PDGFD: variants seen among roughly 807,000 people sequenced by gnomAD.
PDGFD encodes platelet derived growth factor D, also known as platelet-derived growth factor D.
A neutral mutation model predicts 44.7 loss-of-function variants in PDGFD; 30 were observed. The ratio of observed to expected loss-of-function variants is 0.67; its 90% confidence interval spans 0.50 to 0.91. The LOEUF (loss-of-function observed/expected upper bound fraction) is 0.91. PDGFD is among the 40% of genes least tolerant of loss of function. The pLI, the probability that PDGFD is intolerant of heterozygous loss-of-function variation, is 0.00. For synonymous variants in PDGFD, 173 were observed against 168.4 expected (o/e 1.03, Z -0.21); for missense variants, 445 against 457.8 (o/e 0.97, Z 0.25).
chr11:103,922,380 T>C lies in PDGFD; in HGVS notation c.987+4532A>G, dbSNP rs543414409. ...CACTGTACTCCCAAATGTTTTAAGC[T>C]GAAGGAATTTGAGAAAACAAGAAAA... On this transcript the variant is annotated intron_variant, in intron 6 of 6. Transcript: ENST00000393158. 5.9e-5 allele frequency among the ~76,000 whole-genome samples: 9 copies of C among 152,310 alleles called. No individual in the cohort carries two copies. The South Asian group carries it at 1.9e-3, about 32-fold the overall frequency.
At chr11:104,147,684 C>T (rs1446309196) in intron 1 of PDGFD, among the ~76,000 whole-genome samples, 1 of 152,004 alleles carries the variant, frequency 6.6e-6, no homozygotes, top group Admixed American at 6.6e-5. Flanking sequence ...AAATCTAAGG[C>T]CACTAACTCC....
intron 3 of PDGFD, among the ~76,000 whole-genome samples, chr11:103,967,266 T>A (rs140447759): frequency 1.9e-3 from 288 of 152,290 alleles, no homozygotes; most frequent in African/African-American, 6.5e-3. Flanking sequence ...TTCCCCACAT[T>A]CACTAAGGAC....
chr11:104,124,664 T>C (rs1307063098), intron 1 of PDGFD, among the ~76,000 whole-genome samples: 2 of 152,134 alleles, frequency 1.3e-5, no homozygotes, highest in Admixed American at 6.6e-5. Flanking sequence ...GCAAATGTGA[T>C]TGTTTTAATA....
chr11:104,134,920 T>A (rs778088629), intron 1 of PDGFD, among the ~76,000 whole-genome samples: 3 of 152,118 alleles, frequency 2.0e-5, no homozygotes, highest in Non-Finnish European at 4.4e-5. Context: ...ACTCTCCGAG[T>A]TCAAATTCCA....
In PDGFD at chr11:104,010,252, C is replaced by T. The variant is rs184291729; in HGVS notation, c.125-9997G>A. On this transcript the variant is annotated intron_variant, in intron 1 of 6. Coordinates refer to ENST00000393158, the MANE Select transcript of PDGFD (RefSeq NM_025208.5). ...AAGATGTTAATGTTACATAAACAGC[C>T]ATGCTCACAGTAACAATTTGGAGAC... 2.8e-4 allele frequency among the ~76,000 whole-genome samples: 43 copies of T among 151,872 alleles called. 1 individual carries two copies. The East Asian group carries it at 6.0e-3, about 21-fold the overall frequency.
At chr11:104,082,734 C>T (rs1167996577) in intron 1 of PDGFD, among the ~76,000 whole-genome samples, 1 of 152,094 alleles carries the variant, frequency 6.6e-6, no homozygotes, top group African/African-American at 2.4e-5. Context: ...TGGGCTCAAG[C>T]AATCTTTTTG....
At chr11:103,960,838 T>C (rs1396047358) in intron 3 of PDGFD, among the ~76,000 whole-genome samples, 1 of 147,764 alleles carries the variant, frequency 6.8e-6, no homozygotes, top group African/African-American at 2.7e-5. Context: ...GTCTTCTTGC[T>C]GTGCCCACAC....
chr11:103,955,812 T>C (rs1265190583), intron 3 of PDGFD, among the ~76,000 whole-genome samples: 1 of 152,090 alleles, frequency 6.6e-6, no homozygotes, highest in Non-Finnish European at 1.5e-5. Context: ...TAAATTTTAA[T>C]AAGAAATATA....
intron 1 of PDGFD, among the ~76,000 whole-genome samples, chr11:104,126,713 T>A (rs543607794): frequency 1.3e-5 from 2 of 152,280 alleles, no homozygotes; most frequent in African/African-American, 4.8e-5. Context: ...TGTACAGTTC[T>A]CTGCTAGCAG....
rs375114416 is a variant in PDGFD, at chr11:104,145,722, T to C, written c.124+18082A>G. Among the ~76,000 whole-genome samples the C allele has an allele frequency of 1.8e-4, 27 of 152,336 alleles. No homozygotes were observed. In the East Asian group the frequency reaches 3.7e-3, roughly 21 times the overall value. ...TCAAACTGTAATGAACTGAAGTGTA[T>C]CTTCCCAAAATGTATCTGTTGAAGT... On this transcript the variant is annotated intron_variant, in intron 1 of 6. Transcript: ENST00000393158.
intron 1 of PDGFD, among the ~76,000 whole-genome samples, chr11:104,048,342 G>A (rs978812130): frequency 3.3e-5 from 5 of 151,382 alleles, no homozygotes; most frequent in African/African-American, 4.9e-5. Flanking sequence ...TAGATAGAGC[G>A]AAACATTCAA....
At chr11:104,108,747 C>T (rs545462823) in intron 1 of PDGFD, among the ~76,000 whole-genome samples, 1 of 152,136 alleles carries the variant, frequency 6.6e-6, no homozygotes, top group South Asian at 2.1e-4. Context: ...AAGGCACATG[C>T]ACACGTGTGT....
intron 1 of PDGFD, among the ~76,000 whole-genome samples, chr11:104,085,319 A>G (rs1421475755): frequency 1.3e-5 from 2 of 152,182 alleles, no homozygotes; most frequent in South Asian, 2.1e-4. Context: ...ATATTGTTAT[A>G]TAAGTAGGCT....
intron 1 of PDGFD, among the ~76,000 whole-genome samples, chr11:104,154,180 T>C (rs1862277586): frequency 6.6e-6 from 1 of 152,222 alleles, no homozygotes; most frequent in Non-Finnish European, 1.5e-5. Context: ...TTTCTTTTCC[T>C]ATTAACACCA....
At chr11:103,963,317 T>C (rs1858967162) in intron 3 of PDGFD, among the ~76,000 whole-genome samples, 1 of 152,146 alleles carries the variant, frequency 6.6e-6, no homozygotes, top group South Asian at 2.1e-4. Flanking sequence ...CCTATCACTA[T>C]ATGAGCTGGG....
Position 104,046,074 on chromosome 11 carries a change from T to C in PDGFD, c.125-45819A>G, listed in dbSNP as rs756380772. 1.4e-4 allele frequency among the ~76,000 whole-genome samples: 21 copies of C among 147,424 alleles called. 1 individual carries two copies. The Middle Eastern group carries it at 0.014, about 99-fold the overall frequency. ...AAAAAGATCCGCCACTAACATCCAG[T>C]GTACAAAATAATGTGAAGGAAAGTA... On this transcript the variant is annotated intron_variant, in intron 1 of 6. Transcript: ENST00000393158.
chr11:104,094,272 G>C (rs985464007), intron 1 of PDGFD, among the ~76,000 whole-genome samples: 5 of 151,792 alleles, frequency 3.3e-5, no homozygotes, highest in South Asian at 2.1e-4. Context: ...AACAGCTGCT[G>C]GCCCTTCCTC....
chr11:104,159,322 A>G (rs561036711), intron 1 of PDGFD, among the ~76,000 whole-genome samples: 88 of 152,286 alleles, frequency 5.8e-4, no homozygotes, highest in Non-Finnish European at 1.2e-3. Flanking sequence ...AGAAAGATCA[A>G]TGTATTCCCT....
intron 2 of PDGFD, among the ~76,000 whole-genome samples, chr11:103,999,354 A>C (rs1859584812): frequency 6.6e-6 from 1 of 152,234 alleles, no homozygotes; most frequent in Non-Finnish European, 1.5e-5. Flanking sequence ...CATGCTAATT[A>C]AGCGAGTAAA....
Sources: allele counts gnomAD v4.1 joint callset (sites outside exome capture counted in the v4.1 genomes callset), GRCh38; gene constraint gnomAD v4.1.1; transcripts MANE v1.5; gene names NCBI Gene and HGNC (gene_info 2026-07-23, HGNC 2026-07-21).